GRHL2: variants seen among roughly 807,000 people sequenced by gnomAD.
The protein encoded by GRHL2 is grainyhead-like protein 2 homolog.
GRHL2 carries 21 observed loss-of-function variants against 83.8 expected under a neutral mutation model. The observed-to-expected ratio is 0.25, with a 90% CI of 0.18 to 0.36. The LOEUF is 0.36. Ranked by LOEUF, GRHL2 falls within the 10% of genes least tolerant of loss-of-function variation. The probability of loss-of-function intolerance (pLI) is 1.00; values close to 1 mark genes in which losing one functional copy is unlikely to be tolerated. For synonymous variants in GRHL2, 280 were observed against 278.9 expected, an observed-to-expected ratio of 1.00 and a Z score of -0.04; for missense variants, 623 against 781.8, an observed-to-expected ratio of 0.80 and a Z score of 2.42.
chr8:101,640,198 A>G (rs1249987952), intron 12 of GRHL2, among the ~76,000 whole-genome samples: 1 of 152,250 alleles, frequency 6.6e-6, no homozygotes, highest in East Asian at 1.9e-4. Context: ...ACTTAAAATA[A>G]CAATCTTTTA....
intron 14 of GRHL2, among the ~76,000 whole-genome samples, chr8:101,655,123 G>A (rs201490290): frequency 1.3e-4 from 20 of 151,868 alleles, no homozygotes; most frequent in East Asian, 1.9e-4. Context: ...CGGAGGTTGC[G>A]GTGAGCCAAG....
At chr8:101,577,071 A>T (rs900879279) in intron 6 of GRHL2, among the ~76,000 whole-genome samples, 1 of 152,164 alleles carries the variant, frequency 6.6e-6, no homozygotes, top group Non-Finnish European at 1.5e-5. Flanking sequence ...TTTCCAATAC[A>T]AGAAAAAAAA....
intron 9 of GRHL2, among the ~76,000 whole-genome samples, chr8:101,629,120 AG>A (rs1317499188): frequency 2.0e-5 from 3 of 152,232 alleles, no homozygotes. Context: ...CGTGTTACAG[AG>A]AAATCTTTCC....
At chr8:101,623,152 C>T (rs1812998106) in intron 9 of GRHL2, among the ~76,000 whole-genome samples, 1 of 152,234 alleles carries the variant, frequency 6.6e-6, no homozygotes, top group South Asian at 2.1e-4. Context: ...AACGCATTAA[C>T]AAGAACTGCA....
intron 2 of GRHL2, among the ~76,000 whole-genome samples, chr8:101,548,222 CT>C (rs1279585343): frequency 6.6e-6 from 1 of 152,214 alleles, no homozygotes; most frequent in Non-Finnish European, 1.5e-5. Context: ...TAGATATGAC[CT>C]CCCAGTAATG....
At chr8:101,635,902 G>A (rs1813274653) in intron 11 of GRHL2, among the ~76,000 whole-genome samples, 2 of 152,174 alleles carry the variant, frequency 1.3e-5, no homozygotes, top group Admixed American at 6.5e-5. Context: ...CCCAGGAACT[G>A]CCAAGAGCCT....
At position 101,501,624 on chromosome 8, in the gene GRHL2, A is replaced by C. The variant is rs772499301; in HGVS notation, c.20+8835A>C. On this transcript the variant is annotated intron_variant, in intron 1 of 15. Transcript: ENST00000646743. The stretch of plus-strand genomic sequence containing the variant: ...CTGCTGCCGGGGCCTAGGGTGCGAC[A>C]GCATGTGGCTGTTTGGCCTCCTAGA... 3.9e-5 allele frequency among the ~76,000 whole-genome samples: 6 copies of C among 152,156 alleles called. 1 individual carries two copies. The highest frequency in any genetic ancestry group is 7.4e-5 in the Non-Finnish European group (5 of 68,026).
Position 101,569,647 on chromosome 8 carries a change from T to C in GRHL2, c.679-692T>C, listed in dbSNP as rs79969887. On this transcript the variant is annotated intron_variant, in intron 4 of 15. Transcript: ENST00000646743. ...ACCACACAAAGCTAATTTTATTTTATTTTTAGTCAAGACAGGTCTTGCTTT... is the reference window on the plus strand; with the variant it reads ...ACCACACAAAGCTAATTTTATTTTACTTTTAGTCAAGACAGGTCTTGCTTT... Among the ~76,000 whole-genome samples the C allele has an allele frequency of 4.6e-5, 7 of 152,308 alleles. No homozygotes were observed. In the East Asian group the frequency reaches 1.4e-3, roughly 29 times the overall value.
chr8:101,650,310 C>CT (rs1298622770), intron 14 of GRHL2, among the ~76,000 whole-genome samples: 1 of 152,106 alleles, frequency 6.6e-6, no homozygotes, highest in Non-Finnish European at 1.5e-5. Flanking sequence ...TTGGGATACT[C>CT]TTTTTTGAGC....
At chr8:101,509,731 CA>C (rs760472425) in intron 1 of GRHL2, among the ~76,000 whole-genome samples, 79 of 152,196 alleles carry the variant, frequency 5.2e-4, no homozygotes, top group Non-Finnish European at 8.4e-4. Context: ...AAGGGGAAAA[CA>C]TACTTAATTC....
intron 1 of GRHL2, among the ~76,000 whole-genome samples, chr8:101,496,362 A>G (rs1810105673): frequency 6.6e-6 from 1 of 152,198 alleles, no homozygotes; most frequent in African/African-American, 2.4e-5. Flanking sequence ...CTTTAGTTTT[A>G]TAAATGCATA....
chr8:101,662,314 G>T (rs1813938766), intron 14 of GRHL2, among the ~76,000 whole-genome samples: 2 of 152,198 alleles, frequency 1.3e-5, no homozygotes, highest in Non-Finnish European at 2.9e-5. Flanking sequence ...AGTGATGTCT[G>T]TCAGGCCCGC....
At chr8:101,665,048 A>G (rs929784173) in intron 15 of GRHL2, among the ~76,000 whole-genome samples, 39 of 152,184 alleles carry the variant, frequency 2.6e-4, no homozygotes, top group South Asian at 4.1e-4. Context: ...AGTACTTTAC[A>G]TGTATTCCTC....
At chr8:101,510,078 C>T (rs773467654) in intron 1 of GRHL2, among the ~76,000 whole-genome samples, 3 of 152,086 alleles carry the variant, frequency 2.0e-5, no homozygotes, top group Non-Finnish European at 4.4e-5. Flanking sequence ...GCAGCCTTGA[C>T]CTCCCAGGCC....
rs112642892 is a variant in GRHL2 at position 101,519,208 on chromosome 8, A to G, written c.21-24033A>G. ...TGATTTTTTTTTTTTTAATTTTAAG[A>G]GATAGGGTCTTGCTATGTTGCCCAG... On this transcript the variant is annotated intron_variant, in intron 1 of 15. Coordinates refer to ENST00000646743, the MANE Select transcript of GRHL2 (RefSeq NM_024915.4). Among the ~76,000 whole-genome samples, 845 of 151,344 alleles carry G rather than the reference A, an allele frequency of 5.6e-3. 4 individuals carry two copies. Among genetic ancestry groups the G allele is most frequent in the African/African-American group, 0.02 (805 of 41,224 alleles).
chr8:101,615,142 C>T (rs779473029), intron 8 of GRHL2, among the ~76,000 whole-genome samples: 1 of 152,144 alleles, frequency 6.6e-6, no homozygotes, highest in Non-Finnish European at 1.5e-5. Flanking sequence ...GCTCATTTGA[C>T]CTTTAAAGAC....
intron 8 of GRHL2, 60 bp from the exon 9 acceptor site, chr8:101,619,479 G>T: frequency 6.8e-7 from 1 of 1,475,210 alleles, no homozygotes. Flanking sequence ...TAAAGTTTAT[G>T]CGTTTATTGT....
At chr8:101,680,021 C>T in the GRHL2 span, among the ~76,000 whole-genome samples, 213 of 110,896 alleles carry the variant, frequency 1.9e-3, 25 homozygotes, top group Non-Finnish European at 2.5e-3. Context: ...CATCAACTAA[C>T]GAGCAAAATA....
chr8:101,666,854 C>T lies in GRHL2; in HGVS notation c.*151C>T. ...GCTGGGGAGTGGGGCAAGGGACAGG[C>T]CCCACTGTCGGTGTGCTTGGCCCAT... is the stretch of plus-strand genomic sequence containing the variant. On this transcript the variant is annotated 3_prime_UTR_variant, in exon 16 of 16. Coordinates refer to ENST00000646743, the MANE Select transcript of GRHL2 (RefSeq NM_024915.4). 1.4e-6 allele frequency: 1 copy of T among 694,150 alleles called. No individual in the cohort carries two copies. Among genetic ancestry groups the T allele is most frequent in the Non-Finnish European group, 2.6e-6 (1 of 378,286 alleles). The allele number at this position is 694,150 out of a possible 1,614,324, so 43.0% of individuals were successfully genotyped here.
Sources: gnomAD v4.1 joint callset for allele counts (sites outside exome capture counted in the v4.1 genomes callset) on GRCh38, gnomAD v4.1.1 for gene constraint, MANE v1.5 for transcripts, NCBI Gene and HGNC (gene_info 2026-07-23, HGNC 2026-07-21) for gene names.